Variants in EFL1 observed in about 807,000 individuals in gnomAD.
EFL1 encodes the protein elongation factor-like GTPase 1.
A neutral mutation model predicts 126.7 loss-of-function variants in EFL1; 76 were observed. That is an observed-to-expected ratio of 0.60 (90% CI 0.50 to 0.73). The LOEUF (loss-of-function observed/expected upper bound fraction) is 0.73. Ranked by LOEUF, EFL1 falls within the 30% of genes least tolerant of loss-of-function variation. EFL1 has a pLI of 0.00. For synonymous variants in EFL1, 410 were observed against 448.4 expected, an observed-to-expected ratio of 0.91 and a Z score of 1.08; for missense variants, 1,128 against 1,343.2, an observed-to-expected ratio of 0.84 and a Z score of 2.50.
At chr15:82,144,928 G>A (rs2073826803) in intron 18 of EFL1, among the ~76,000 whole-genome samples, 1 of 151,968 alleles carries the variant, frequency 6.6e-6, no homozygotes, top group Non-Finnish European at 1.5e-5. Flanking sequence ...GGGAAGCAGA[G>A]GTTGCAGTGA....
chr15:82,218,752 A>G (rs1386787070), intron 14 of EFL1, among the ~76,000 whole-genome samples: 1 of 152,236 alleles, frequency 6.6e-6, no homozygotes, highest in Non-Finnish European at 1.5e-5. Context: ...ATAGCTCAAC[A>G]AGGACTGCTT....
intron 4 of EFL1, among the ~76,000 whole-genome samples, chr15:82,251,337 A>G (rs1272145629): frequency 1.3e-5 from 2 of 152,228 alleles, no homozygotes; most frequent in African/African-American, 2.4e-5. Context: ...AAATTCTCCT[A>G]CAATACTACA....
chr15:82,156,471 G>C (rs2073968567), intron 17 of EFL1, among the ~76,000 whole-genome samples: 1 of 152,170 alleles, frequency 6.6e-6, no homozygotes, highest in Non-Finnish European at 1.5e-5. Flanking sequence ...TTTTAGTAGA[G>C]AGGGAGTTTC....
chr15:82,139,028 A>C (rs2073756777), intron 18 of EFL1, among the ~76,000 whole-genome samples, 186 bp from the exon 19 acceptor site: 1 of 152,220 alleles, frequency 6.6e-6, no homozygotes, highest in Non-Finnish European at 1.5e-5. Flanking sequence ...TTATAGAAAA[A>C]TTGGAAACAA....
chr15:82,231,677 A>G (rs934114484), intron 7 of EFL1, among the ~76,000 whole-genome samples: 13 of 127,918 alleles, frequency 1.0e-4, no homozygotes, highest in Non-Finnish European at 1.8e-4. Context: ...AAAAAAAAGG[A>G]TATCCCCAGT....
chr15:82,212,052 T>C (rs1305943771), intron 15 of EFL1, among the ~76,000 whole-genome samples: 1 of 152,162 alleles, frequency 6.6e-6, no homozygotes, highest in Non-Finnish European at 1.5e-5. Flanking sequence ...ATGACTTAAG[T>C]AAAAAATGTC....
At chr15:82,204,635 G>A (rs889742070) in intron 15 of EFL1, among the ~76,000 whole-genome samples, 4 of 152,178 alleles carry the variant, frequency 2.6e-5, no homozygotes, top group African/African-American at 7.2e-5. Flanking sequence ...TCTCCATTCT[G>A]TCATGTGCCA....
At chr15:82,185,919 C>T (rs1448067802) in intron 15 of EFL1, among the ~76,000 whole-genome samples, 1 of 152,170 alleles carries the variant, frequency 6.6e-6, no homozygotes, top group Non-Finnish European at 1.5e-5. Context: ...TTCATTCCCA[C>T]TCATTCCTAA....
chr15:82,131,446 C>T (rs1465339556), intron 19 of EFL1, among the ~76,000 whole-genome samples: 1 of 152,170 alleles, frequency 6.6e-6, no homozygotes, highest in Non-Finnish European at 1.5e-5. Flanking sequence ...TGCATGCCAC[C>T]ATGCCCAGCT....
At position 82,151,735 on chromosome 15, in the gene EFL1, C is replaced by T. The variant is rs1293415480; in HGVS notation, c.2719G>A (p.Ala907Thr). Reference sequence around the variant, plus strand: ...TGTCCCTCTTTTGCCAGATCACTTGCTCCTTGTTCCTCAAATTTACTTAGG... The same window carrying T: ...TGTCCCTCTTTTGCCAGATCACTTGTTCCTTGTTCCTCAAATTTACTTAGG... The part of the protein sequence containing the change: ...WDLSKFEEQG[A>T]SDLAKEGQEE... The change falls in exon 18 of 20, where the codon GCA becomes ACA. Residue 907 changes from alanine (A) to threonine (T), a missense_variant. Physicochemically the swap from Ala to Thr is moderately conservative, Grantham distance 58 (BLOSUM62 0). Transcript: ENST00000268206. The T allele has an allele frequency of 1.9e-6, 3 of 1,614,036 alleles. No individual in the cohort carries two copies. Among genetic ancestry groups the T allele is most frequent in the African/African-American group, 2.7e-5 (2 of 74,904 alleles).
chr15:82,183,974 A>C (rs987183044), intron 15 of EFL1, among the ~76,000 whole-genome samples: 2 of 152,142 alleles, frequency 1.3e-5, no homozygotes, highest in African/African-American at 4.8e-5. Context: ...GCCTGTGTCC[A>C]TGGTTTTGGT....
intron 4 of EFL1, among the ~76,000 whole-genome samples, chr15:82,248,920 T>A (rs1185754990): frequency 6.6e-6 from 1 of 151,840 alleles, no homozygotes; most frequent in Non-Finnish European, 1.5e-5. Context: ...TGTCAGGAAC[T>A]AATAATATTG....
At chr15:82,144,261 C>A (rs201633852) in intron 18 of EFL1, among the ~76,000 whole-genome samples, 429 of 143,420 alleles carry the variant, frequency 3.0e-3, no homozygotes, top group Middle Eastern at 3.6e-3. Flanking sequence ...GTCTCCAAAA[C>A]AAAAAAAAAA....
At chr15:82,259,477 A>G (rs910327078) in intron 2 of EFL1, among the ~76,000 whole-genome samples, 3 of 152,200 alleles carry the variant, frequency 2.0e-5, no homozygotes, top group African/African-American at 7.2e-5. Flanking sequence ...GGAATTTGCT[A>G]AACTGTCTTA....
rs113213841 is a variant in EFL1 at position 82,240,646 on chromosome 15, T to C, written c.379-91A>G. 20 of 1,450,730 alleles carry C rather than the reference T, an allele frequency of 1.4e-5. No individual in the cohort carries two copies. The African/African-American group carries it at 1.4e-4, about 10-fold the overall frequency. The allele number at this position is 1,450,730 out of a possible 1,614,324, so 89.9% of individuals were successfully genotyped here. Reference sequence around the variant, plus strand: ...CGTGATTAATAACCACTCTAGACTATGCCAGTCAGACAAAGGTATTCATTA... The same window carrying C: ...CGTGATTAATAACCACTCTAGACTACGCCAGTCAGACAAAGGTATTCATTA... On this transcript the variant is annotated intron_variant, in intron 5 of 19. Coordinates refer to ENST00000268206, the MANE Select transcript of EFL1 (RefSeq NM_024580.6).
At position 82,235,977 on chromosome 15, in the gene EFL1, G is replaced by A. The variant is rs2074868804; in HGVS notation, c.731+2330C>T. Among the ~76,000 whole-genome samples the A allele has an allele frequency of 2.0e-5, 3 of 152,110 alleles. No individual in the cohort carries two copies. The South Asian group carries it at 6.2e-4, about 32-fold the overall frequency. Reference sequence around the variant, plus strand: ...AAAGAACTGCAAGTGAGTTCAGCAAGGTGACAGTATACAAGATCAACATAC... The same window carrying A: ...AAAGAACTGCAAGTGAGTTCAGCAAAGTGACAGTATACAAGATCAACATAC... On this transcript the variant is annotated intron_variant, in intron 7 of 19. Transcript: ENST00000268206.
chr15:82,188,662 A>T (rs1002027665), intron 15 of EFL1, among the ~76,000 whole-genome samples: 1 of 152,202 alleles, frequency 6.6e-6, no homozygotes, highest in African/African-American at 2.4e-5. Context: ...CAGATTTTTT[A>T]AAACAATGTG....
chr15:82,154,681 T>G (rs1408454950), intron 17 of EFL1, among the ~76,000 whole-genome samples: 1 of 152,182 alleles, frequency 6.6e-6, no homozygotes, highest in African/African-American at 2.4e-5. Context: ...TATCCTGATT[T>G]TTATTGTAAT....
chr15:82,158,166 T>C (rs185395207), intron 16 of EFL1, among the ~76,000 whole-genome samples: 2 of 152,328 alleles, frequency 1.3e-5, no homozygotes, highest in East Asian at 3.9e-4. Flanking sequence ...CTAAATCTTA[T>C]AACGAATGTA....
Sources: allele counts gnomAD v4.1 joint callset (sites outside exome capture counted in the v4.1 genomes callset), GRCh38; gene constraint gnomAD v4.1.1; transcripts MANE v1.5; gene names NCBI Gene and HGNC (gene_info 2026-07-23, HGNC 2026-07-21).